Variants in NPAS3 observed in about 807,000 individuals in gnomAD.
NPAS3 encodes neuronal PAS domain protein 3.
In NPAS3, 14 loss-of-function variants were observed where a neutral mutation model predicts 73.1. The observed-to-expected ratio is 0.19, with a 90% CI of 0.13 to 0.30. The LOEUF (loss-of-function observed/expected upper bound fraction) is 0.30. NPAS3 is among the 10% of genes least tolerant of loss of function. The pLI is 1.00. For missense variants in NPAS3, 1,096 were observed against 1,250.0 expected (o/e 0.88, Z 1.86); for synonymous variants, 620 against 541.5 (o/e 1.14, Z -2.01).
chr14:33,154,441 C>G (rs1265522242), intron 2 of NPAS3, among the ~76,000 whole-genome samples: 3 of 152,178 alleles, frequency 2.0e-5, no homozygotes, highest in Non-Finnish European at 4.4e-5. Context: ...GCTTTGAGCC[C>G]CATCGACCAG....
intron 5 of NPAS3, among the ~76,000 whole-genome samples, chr14:33,642,353 C>T (rs552303072): frequency 1.4e-3 from 210 of 152,186 alleles, no homozygotes; most frequent in African/African-American, 4.9e-3. Flanking sequence ...GTTCTAGCAG[C>T]GAGCCGCTAT....
At chr14:33,281,202 A>T (rs1266670085) in intron 3 of NPAS3, among the ~76,000 whole-genome samples, 1 of 152,246 alleles carries the variant, frequency 6.6e-6, no homozygotes, top group Admixed American at 6.5e-5. Flanking sequence ...AACAAAGCAA[A>T]GACCTTCACT....
chr14:33,308,527 T>TACACACACACACACAC (rs1555371843), intron 3 of NPAS3, among the ~76,000 whole-genome samples: 93 of 103,720 alleles, frequency 9.0e-4, no homozygotes, highest in African/African-American at 3.8e-3. Flanking sequence ...TATATATATA[T>TACACACACACACACAC]ACATACACAC....
chr14:32,957,668 G>C (rs1038533864), intron 1 of NPAS3, among the ~76,000 whole-genome samples: 1 of 152,006 alleles, frequency 6.6e-6, no homozygotes, highest in Non-Finnish European at 1.5e-5. Flanking sequence ...CACCGCACCC[G>C]GCCTAAGTAT....
At chr14:33,793,055 ATCAATT>A (rs1178588635) in intron 9 of NPAS3, among the ~76,000 whole-genome samples, 48 of 152,350 alleles carry the variant, frequency 3.2e-4, no homozygotes, top group African/African-American at 1.1e-3. Flanking sequence ...TACAAATCAA[ATCAATT>A]TCAACTTGGC....
chr14:33,063,065 C>T (rs1595361954), intron 2 of NPAS3, among the ~76,000 whole-genome samples: 1 of 152,222 alleles, frequency 6.6e-6, no homozygotes, highest in East Asian at 1.9e-4. Context: ...TGATCCTAGC[C>T]CCACAATTAT....
chr14:33,627,206 G>A (rs975128205), intron 5 of NPAS3, among the ~76,000 whole-genome samples: 22 of 152,118 alleles, frequency 1.4e-4, no homozygotes, highest in African/African-American at 4.3e-4. Context: ...TTGAGGAAAC[G>A]GAACTAAGAT....
exon 12 of NPAS3, chr14:33,799,787 G>A (rs1246835722): frequency 2.5e-6 from 4 of 1,609,668 alleles, no homozygotes; most frequent in Non-Finnish European, 3.4e-6. Context: ...CGAGAACAGC[G>A]AAGACCCGGA....
At chr14:33,244,242 G>A (rs1392709) in intron 3 of NPAS3, among the ~76,000 whole-genome samples, 11,874 of 151,972 alleles carry the variant, frequency 0.078, 594 homozygotes, top group Non-Finnish European at 0.12. Flanking sequence ...GTTACATGGA[G>A]ACTTATATCT....
intron 3 of NPAS3, among the ~76,000 whole-genome samples, chr14:33,356,250 G>A (rs930170311): frequency 1.3e-5 from 2 of 152,218 alleles, no homozygotes; most frequent in African/African-American, 4.8e-5. Context: ...CTGGCTAGTG[G>A]CGAAGTCCGT....
At chr14:32,975,040 T>C (rs1036150742) in intron 1 of NPAS3, among the ~76,000 whole-genome samples, 1 of 152,194 alleles carries the variant, frequency 6.6e-6, no homozygotes, top group Non-Finnish European at 1.5e-5. Flanking sequence ...TATTAGTGGA[T>C]GCTATTAGTT....
rs1378002421 is a variant in NPAS3, at chr14:33,793,883, T to G, written c.1154-14T>G. 1.1e-5 allele frequency: 17 copies of G among 1,600,720 alleles called. No individual in the cohort carries two copies. The South Asian group carries it at 1.4e-4, about 13-fold the overall frequency. On this transcript the variant is annotated splice_polypyrimidine_tract_variant and intron_variant, in intron 9 of 11. Coordinates refer to ENST00000356141, the Ensembl canonical transcript of NPAS3. ...GTCTTAATACAATGCCTCTGTTTTGTTTTTTTTCGCCAGTGCTGAATAAGG... is the reference window on the plus strand; with the variant it reads ...GTCTTAATACAATGCCTCTGTTTTGGTTTTTTTCGCCAGTGCTGAATAAGG...
intron 3 of NPAS3, among the ~76,000 whole-genome samples, chr14:33,223,699 C>T (rs553595520): frequency 1.3e-5 from 2 of 152,076 alleles, no homozygotes; most frequent in East Asian, 1.9e-4. Flanking sequence ...TTCTTGAAGC[C>T]GTTTATTAAT....
chr14:32,939,214 C>G (rs2035853679), upstream of NPAS3: 1 of 451,540 alleles, frequency 2.2e-6, no homozygotes, highest in Non-Finnish European at 4.2e-6. Context: ...CGGCCGCACT[C>G]TCCCGCCACC....
intron 4 of NPAS3, among the ~76,000 whole-genome samples, chr14:33,555,820 CTA>C (rs1675735416): frequency 6.6e-6 from 1 of 151,842 alleles, no homozygotes; most frequent in African/African-American, 2.4e-5. Context: ...TGATCTGAGA[CTA>C]TAGGTATAAT....
intron 5 of NPAS3, among the ~76,000 whole-genome samples, chr14:33,652,389 G>T (rs185778734): frequency 5.5e-4 from 84 of 152,238 alleles, no homozygotes; most frequent in Non-Finnish European, 7.2e-4. Flanking sequence ...ATTATAATGA[G>T]GCAGTGGTGC....
intron 4 of NPAS3, among the ~76,000 whole-genome samples, chr14:33,460,113 A>G (rs2050193369): frequency 6.6e-6 from 1 of 152,210 alleles, no homozygotes; most frequent in Admixed American, 6.5e-5. Context: ...TTACAAGAGT[A>G]CTCGTACACA....
chr14:33,082,073 T>C (rs943483834), intron 2 of NPAS3, among the ~76,000 whole-genome samples: 1 of 152,226 alleles, frequency 6.6e-6, no homozygotes, highest in Non-Finnish European at 1.5e-5. Flanking sequence ...AATTGTGTTA[T>C]AAACACAGTT....
rs532487046 is a variant in NPAS3, at chr14:33,184,575, A to C, written c.141-30607A>C. Among the ~76,000 whole-genome samples, 188 of 152,276 alleles carry C rather than the reference A, an allele frequency of 1.2e-3. 1 individual carries two copies. The highest frequency in any genetic ancestry group is 8.9e-3 in the South Asian group (43 of 4,822). On this transcript the variant is annotated intron_variant, in intron 2 of 11. Coordinates refer to ENST00000356141, the Ensembl canonical transcript of NPAS3. ...AGAAAGGATTAGAGCGGGGCCAGTG[A>C]AATGGGGTGACAAAGGAGTTAGGGG...
Sources: allele counts gnomAD v4.1 joint callset (sites outside exome capture counted in the v4.1 genomes callset), GRCh38; gene constraint gnomAD v4.1.1; transcripts MANE v1.5; gene names NCBI Gene and HGNC (gene_info 2026-07-23, HGNC 2026-07-21).